Variants in CACNA1C observed in about 807,000 individuals in gnomAD.
CACNA1C encodes voltage-dependent L-type calcium channel subunit alpha-1C.
A neutral mutation model predicts 229.0 loss-of-function variants in CACNA1C; 30 were observed. That is an observed-to-expected ratio of 0.13 (90% CI 0.10 to 0.18). The LOEUF is 0.18. CACNA1C is among the 10% of genes least tolerant of loss of function. CACNA1C has a pLI of 1.00. For synonymous variants in CACNA1C, 1,114 were observed against 1,132.5 expected (o/e 0.98, Z 0.33); for missense variants, 1,658 against 2,845.0 (o/e 0.58, Z 9.49).
chr12:2,032,015 C>G (rs11062082), intron 1 of CACNA1C, among the ~76,000 whole-genome samples: 1 of 147,846 alleles, frequency 6.8e-6, no homozygotes. Flanking sequence ...GTGTGTGTGT[C>G]TGTGTGTATG....
intron 3 of CACNA1C, among the ~76,000 whole-genome samples, chr12:2,264,273 C>T (rs2081455812): frequency 6.6e-6 from 1 of 152,224 alleles, no homozygotes; most frequent in Non-Finnish European, 1.5e-5. Context: ...GGAGCAGGCT[C>T]TGCCTTTCTC....
chr12:2,353,358 C>A (rs1436063926), intron 3 of CACNA1C, among the ~76,000 whole-genome samples: 3 of 152,208 alleles, frequency 2.0e-5, no homozygotes, highest in African/African-American at 7.2e-5. Context: ...CAACCTTGTC[C>A]CCCTGGCCGT....
At chr12:2,569,980 T>C (rs2053468716) in intron 13 of CACNA1C, among the ~76,000 whole-genome samples, 2 of 152,206 alleles carry the variant, frequency 1.3e-5, no homozygotes, top group Admixed American at 6.5e-5. Flanking sequence ...TGAAATAGAA[T>C]AGGAAAACAT....
At chr12:2,667,909 C>T (rs114991635) in intron 37 of CACNA1C, among the ~76,000 whole-genome samples, 96 of 152,348 alleles carry the variant, frequency 6.3e-4, no homozygotes, top group African/African-American at 2.1e-3. Flanking sequence ...CTTCACACCG[C>T]GCTTGCTCGT....
intron 3 of CACNA1C, among the ~76,000 whole-genome samples, chr12:2,380,290 T>C (rs1325700851): frequency 2.0e-5 from 3 of 152,230 alleles, no homozygotes; most frequent in Non-Finnish European, 4.4e-5. Flanking sequence ...GGTGCTTGCA[T>C]GGCTATTTTT....
intron 38 of CACNA1C, among the ~76,000 whole-genome samples, chr12:2,670,465 C>T (rs2096498346): frequency 6.6e-6 from 1 of 152,178 alleles, no homozygotes; most frequent in South Asian, 2.1e-4. Context: ...GGCCTTCTCT[C>T]CGTTAGATCC....
intron 1 of CACNA1C, among the ~76,000 whole-genome samples, chr12:2,081,711 A>AT (rs78362032): frequency 2.6e-5 from 4 of 152,020 alleles, no homozygotes; most frequent in South Asian, 2.1e-4. Context: ...TTGCAAATGT[A>AT]TTTTTTTTAA....
intron 3 of CACNA1C, among the ~76,000 whole-genome samples, chr12:2,332,953 A>T (rs911894952): frequency 4.6e-5 from 7 of 152,210 alleles, no homozygotes; most frequent in African/African-American, 1.7e-4. Context: ...AAAACAACAA[A>T]TAAAGTAGCA....
chr12:2,504,647 G>GA lies in CACNA1C; in HGVS notation c.1114-191dup, dbSNP rs1249573145. 7.6e-6 allele frequency: 6 copies of GA among 793,622 alleles called. No homozygotes were observed. Among genetic ancestry groups the GA allele is most frequent in the African/African-American group, 1.7e-5 (1 of 58,328 alleles). 49.2% of individuals were successfully genotyped at this position (793,622 alleles called of 1,614,324 possible). A position where few individuals can be genotyped will look rare whatever the true frequency, so the allele number is the denominator to read the frequency against. On this transcript the variant is annotated intron_variant, in intron 7 of 46. Transcript: ENST00000399655. The surrounding 1 kb of genome is among the most constrained non-coding windows in gnomAD (Gnocchi z 6.8). ...AGGGATGGGACCCTGACAGGCCCAG[G>GA]AAAACCACAACAAAGCCTCTGTTCA...
intron 3 of CACNA1C, among the ~76,000 whole-genome samples, chr12:2,243,790 C>G (rs756252229): frequency 6.6e-6 from 1 of 152,150 alleles, no homozygotes; most frequent in Admixed American, 6.6e-5. Flanking sequence ...CTGGTTTTGC[C>G]AATGCTGGGC....
chr12:2,653,768 C>A lies in CACNA1C; in HGVS notation c.4075-67C>A. On this transcript the variant is annotated intron_variant, in intron 32 of 46. Coordinates refer to ENST00000399655, the MANE Select transcript of CACNA1C (RefSeq NM_000719.7). This position sits in a 1 kb window ranked among gnomAD's most constrained non-coding sequence, Gnocchi z 4.7. Reference sequence around the variant, plus strand: ...GCTGCAGAGACAGGGATGCGGCGCTCCCTGGGAAGGGGCCCAGCTGGCCTC... The same window carrying A: ...GCTGCAGAGACAGGGATGCGGCGCTACCTGGGAAGGGGCCCAGCTGGCCTC... 1.4e-6 allele frequency: 2 copies of A among 1,409,648 alleles called. No homozygotes were observed. The highest frequency in any genetic ancestry group is 2.3e-5 in the East Asian group (1 of 43,674). The allele number at this position is 1,409,648 out of a possible 1,614,324, so 87.3% of individuals were successfully genotyped here. A position where few individuals can be genotyped will look rare whatever the true frequency, so the allele number is the denominator to read the frequency against.
chr12:2,547,581 A>G (rs1341178255), intron 9 of CACNA1C: 2 of 769,996 alleles, frequency 2.6e-6, no homozygotes, highest in Admixed American at 3.5e-5. Flanking sequence ...ACCAGACTGA[A>G]TGGGAAGGTG....
intron 5 of CACNA1C, among the ~76,000 whole-genome samples, chr12:2,461,429 C>T (rs948666512): frequency 6.6e-6 from 1 of 152,142 alleles, no homozygotes; most frequent in Non-Finnish European, 1.5e-5. Context: ...AGGGGTAGAT[C>T]CTGAGACCTC....
At chr12:2,661,466 TA>T (rs201145324) in intron 34 of CACNA1C, among the ~76,000 whole-genome samples, 2,286 of 151,016 alleles carry the variant, frequency 0.015, 56 homozygotes, top group African/African-American at 0.051. Flanking sequence ...TCTTAAGAAT[TA>T]AAAAAAAACA....
At position 2,679,629 on chromosome 12, in the gene CACNA1C, G is replaced by A. The variant is rs371931644; in HGVS notation, c.5277G>A (p.Ser1759=). Reference sequence around the variant, plus strand: ...CCACCTTCACCCCGAGCAGCTACTCGTCCACCGGCTCCAACGCCAACATCA... The same window carrying A: ...CCACCTTCACCCCGAGCAGCTACTCATCCACCGGCTCCAACGCCAACATCA... ...VDSTFTPSSY[S]STGSNANINN... Residue 1759 remains serine (S), a synonymous_variant, in exon 42 of 47, where the codon TCG becomes TCA. Coordinates refer to ENST00000399655, the MANE Select transcript of CACNA1C (RefSeq NM_000719.7). This position sits in a 1 kb window ranked among gnomAD's most constrained non-coding sequence, Gnocchi z 5.5. 2.4e-5 allele frequency: 38 copies of A among 1,613,862 alleles called. No homozygotes were observed. Among genetic ancestry groups the A allele is most frequent in the African/African-American group, 6.7e-5 (5 of 75,042 alleles).
intron 1 of CACNA1C, among the ~76,000 whole-genome samples, chr12:2,102,174 A>G (rs1166172230): frequency 6.6e-6 from 1 of 152,194 alleles, no homozygotes; most frequent in Non-Finnish European, 1.5e-5. Context: ...AAACATACTA[A>G]TTTAAAATAA....
rs546063681 is a variant in CACNA1C, at chr12:2,437,983, G to GTGA, written c.478-10987_478-10985dup. ...GGTTGGGATGGTGGTGATAATGATG[G>GTGA]TGATGATGGTGGTGGTGGTGGTAAT... On this transcript the variant is annotated intron_variant, in intron 3 of 46. Transcript: ENST00000399655. Among the ~76,000 whole-genome samples the GTGA allele has an allele frequency of 4.0e-5, 6 of 150,554 alleles. No individual in the cohort carries two copies. The East Asian group carries it at 1.2e-3, about 30-fold the overall frequency.
chr12:2,501,110 G>A (rs1349679119), intron 7 of CACNA1C, among the ~76,000 whole-genome samples: 1 of 147,962 alleles, frequency 6.8e-6, no homozygotes, highest in Non-Finnish European at 1.5e-5. Flanking sequence ...TCGGGAGGCT[G>A]AGGCAGGAGA....
intron 1 of CACNA1C, among the ~76,000 whole-genome samples, chr12:2,006,989 G>C (rs1245740376): frequency 6.6e-6 from 1 of 152,184 alleles, no homozygotes; most frequent in Non-Finnish European, 1.5e-5. Flanking sequence ...AAGCTGACTA[G>C]ACAACTTTCC....
Sources: allele counts gnomAD v4.1 joint callset (sites outside exome capture counted in the v4.1 genomes callset), GRCh38; gene constraint gnomAD v4.1.1; non-coding constraint Gnocchi (gnomAD v3.1); transcripts MANE v1.5; gene names NCBI Gene and HGNC (gene_info 2026-07-23, HGNC 2026-07-21).